PIGG: variants seen among roughly 807,000 people sequenced by gnomAD.
PIGG encodes phosphatidylinositol glycan anchor biosynthesis class G (EMM blood group).
Under a neutral mutation model 83.2 loss-of-function variants are expected in PIGG, and 70 were observed. The observed-to-expected ratio is 0.84, with a 90% CI of 0.69 to 1.03. The LOEUF is 1.03. PIGG is among the 50% of genes least tolerant of loss of function. The pLI is 0.00. For synonymous variants in PIGG, 532 were observed against 519.5 expected (o/e 1.02, Z -0.33); for missense variants, 1,257 against 1,233.6 (o/e 1.02, Z -0.28).
rs554674994 is a variant in PIGG at position 525,413 on chromosome 4, G to C, written c.2069+1500G>C. 44 of 959,142 alleles carry C rather than the reference G, an allele frequency of 4.6e-5. 4 individuals carry two copies. In the African/African-American group the frequency reaches 5.8e-4, roughly 13 times the overall value. The allele number at this position is 959,142 out of a possible 1,614,324, so 59.4% of individuals were successfully genotyped here. On this transcript the variant is annotated intron_variant, in intron 9 of 12. Transcript: ENST00000453061. ...ATCTGCGGCGAGAGTAACAGCAAGGGTTGCGGTCCCGTCACTGCAGAGAAC... is the reference window on the plus strand; with the variant it reads ...ATCTGCGGCGAGAGTAACAGCAAGGCTTGCGGTCCCGTCACTGCAGAGAAC...
intron 10 of PIGG, among the ~76,000 whole-genome samples, chr4:529,359 G>A (rs1223733538): frequency 3.9e-5 from 6 of 152,112 alleles, no homozygotes; most frequent in Non-Finnish European, 7.4e-5. Context: ...CCTGACCCCA[G>A]CTCCTCAGCC....
intron 10 of PIGG, 120 bp downstream of exon 10, chr4:527,350 A>C: frequency 7.1e-7 from 1 of 1,411,896 alleles, no homozygotes; most frequent in South Asian, 1.6e-5. Context: ...GCCAGTCTTC[A>C]GAGCATTGGA....
Position 521,257 on chromosome 4 carries a change from C to A in PIGG, c.1316C>A (p.Thr439Asn). 6.2e-7 allele frequency: 1 copy of A among 1,612,814 alleles called. No individual in the cohort carries two copies. The highest frequency in any genetic ancestry group is 8.5e-7 in the Non-Finnish European group (1 of 1,178,868). Residue 439 changes from threonine to asparagine, a missense_variant, in exon 7 of 13, where the codon ACT becomes AAT. By Grantham distance (65) the Thr-to-Asn change is moderately conservative. Coordinates refer to ENST00000453061, the MANE Select transcript of PIGG (RefSeq NM_001127178.3). The stretch of plus-strand genomic sequence containing the variant: ...GACATCTATTCGATGATGGTGGGGA[C>A]TGTCGTGGTTTTGGAGGTACAGATG... ...QYDIYSMMVG[T>N]VVVLEVLTLL...
intron 5 of PIGG, among the ~76,000 whole-genome samples, chr4:509,774 G>T (rs1222892572): frequency 1.3e-5 from 2 of 152,132 alleles, no homozygotes; most frequent in African/African-American, 4.8e-5. Flanking sequence ...TTCTGCATTA[G>T]CCCTGGAGAT....
At chr4:499,969 C>T (rs1448554019) in intron 1 of PIGG, 6 of 222,572 alleles carry the variant, frequency 2.7e-5, no homozygotes, top group Non-Finnish European at 4.5e-5. Context: ...CTTCACCTAC[C>T]CAGCCATATA....
chr4:509,065 A>G (rs782612326), intron 5 of PIGG, 95 bp downstream of exon 5: 137 of 1,075,352 alleles, frequency 1.3e-4, no homozygotes, highest in Non-Finnish European at 1.8e-4. Context: ...TAGAAGCTCC[A>G]TAAGGTTGAA....
intron 4 of PIGG, among the ~76,000 whole-genome samples, chr4:508,079 G>A (rs1360169200): frequency 3.9e-5 from 6 of 152,210 alleles, no homozygotes; most frequent in Admixed American, 3.9e-4. Context: ...GCATTTGGGT[G>A]CATCAGTGAA....
At position 533,722 on chromosome 4, in the gene PIGG, T is replaced by G. The variant is rs1206624682; in HGVS notation, c.2572-96T>G. Reference sequence around the variant, plus strand: ...TGCCGGCGTGGTTATCTGGGCTGCCTACACAGTTCACGCTAACATCGTGGC... The same window carrying G: ...TGCCGGCGTGGTTATCTGGGCTGCCGACACAGTTCACGCTAACATCGTGGC... On this transcript the variant is annotated intron_variant, in intron 11 of 12. Transcript: ENST00000453061. 2.5e-6 allele frequency: 3 copies of G among 1,200,204 alleles called. No individual in the cohort carries two copies. The East Asian group carries it at 7.1e-5, about 28-fold the overall frequency. 74.3% of individuals were successfully genotyped at this position (1,200,204 alleles called of 1,614,324 possible). A position where few individuals can be genotyped will look rare whatever the true frequency, so the allele number is the denominator to read the frequency against.
In PIGG at chr4:505,459, C is replaced by CAA. The variant is rs35308755; in HGVS notation, c.361-233_361-232dup. Among the ~76,000 whole-genome samples, 213 of 45,012 alleles carry CAA rather than the reference C, an allele frequency of 4.7e-3. 9 individuals are homozygous for CAA. Among genetic ancestry groups the CAA allele is most frequent in the African/African-American group, 0.018 (195 of 11,014 alleles). 29.5% of individuals were successfully genotyped at this position (45,012 alleles called of 152,430 possible). ...CAACATAGCGGGACCCTGTATCTAC[C>CAA]AAAAAAAAAAAAAAAAAAAAAAAAA... On this transcript the variant is annotated intron_variant, in intron 2 of 12. Coordinates refer to ENST00000453061, the MANE Select transcript of PIGG (RefSeq NM_001127178.3).
At chr4:518,558 A>T (rs1024672779) in intron 6 of PIGG, among the ~76,000 whole-genome samples, 3 of 152,200 alleles carry the variant, frequency 2.0e-5, no homozygotes, top group African/African-American at 7.2e-5. Context: ...GCGACACTGC[A>T]CTCCAGCCTG....
rs782366664 is a variant in PIGG at position 499,449 on chromosome 4, G to A, written c.114G>A (p.Ala38=). Residue 38 remains alanine, a synonymous_variant, in exon 1 of 13, where the codon GCG becomes GCA. Coordinates refer to ENST00000453061, the MANE Select transcript of PIGG (RefSeq NM_001127178.3). ...FPAPVRSSAR[A]EHGAEPPAPE... ...CTCCCGTTCGTTCCTCTGCCAGAGC[G>A]GAACACGGAGCGGAGCCCCCAGCGC... is the stretch of plus-strand genomic sequence containing the variant. 1.7e-5 allele frequency: 27 copies of A among 1,603,940 alleles called. No homozygotes were observed. The highest frequency in any genetic ancestry group is 2.2e-5 in the Non-Finnish European group (26 of 1,179,430).
In PIGG at chr4:530,640, G is replaced by C; in HGVS notation, c.2466G>C (p.Leu822Phe). Reference protein sequence around the residue: ...HNLPVLAFSLLIQTLMTKFIW... With the variant: ...HNLPVLAFSLFIQTLMTKFIW... ...TTCCGGTCTTAGCATTTAGCCTCTT[G>C]ATTCAGACTCTAATGACTAAATTCA... The change falls in exon 11 of 13, where the codon TTG becomes TTC. Residue 822 changes from leucine to phenylalanine, a missense_variant. By Grantham distance (22) the Leu-to-Phe change is conservative. Coordinates refer to ENST00000453061, the MANE Select transcript of PIGG (RefSeq NM_001127178.3). 6.8e-6 allele frequency: 11 copies of C among 1,613,544 alleles called. No individual in the cohort carries two copies. Among genetic ancestry groups the C allele is most frequent in the Non-Finnish European group, 9.3e-6 (11 of 1,179,506 alleles).
chr4:539,050 C>G (rs1731440536), intron 12 of PIGG, 103 bp from the exon 13 acceptor site: 1 of 737,970 alleles, frequency 1.4e-6, no homozygotes. Context: ...GCCCTCTACT[C>G]CAAGGGCAAG....
chr4:506,982 G>A (rs1719948116), intron 3 of PIGG: 1 of 290,300 alleles, frequency 3.4e-6, no homozygotes, highest in African/African-American at 2.2e-5. Flanking sequence ...GCCCAGCAGT[G>A]ATCCCACAGA....
chr4:509,614 C>T (rs1403505435), intron 5 of PIGG, among the ~76,000 whole-genome samples: 2 of 152,364 alleles, frequency 1.3e-5, no homozygotes, highest in African/African-American at 2.4e-5. Flanking sequence ...CGCTTTCGGG[C>T]GCTGCTCTCA....
At chr4:539,055 G>A (rs1731441921) in intron 12 of PIGG, 98 bp from the exon 13 acceptor site, 1 of 759,132 alleles carries the variant, frequency 1.3e-6, no homozygotes, top group African/African-American at 1.7e-5. Context: ...CTACTCCAAG[G>A]GCAAGAGCTA....
intron 6 of PIGG, among the ~76,000 whole-genome samples, chr4:517,288 C>A (rs2108898058): frequency 6.6e-6 from 1 of 152,188 alleles, no homozygotes; most frequent in East Asian, 1.9e-4. Context: ...GGCCAGGGCC[C>A]AGGCAAGGGT....
At chr4:507,694 G>A in intron 4 of PIGG, 101 bp downstream of exon 4, 2 of 1,008,892 alleles carry the variant, frequency 2.0e-6, no homozygotes, top group Non-Finnish European at 2.9e-6. Flanking sequence ...CTGTGTGAAT[G>A]TCCACCATCA....
chr4:538,316 A>G (rs115878239), intron 12 of PIGG, among the ~76,000 whole-genome samples: 28,400 of 152,066 alleles, frequency 0.19, 3,189 homozygotes, highest in African/African-American at 0.32. Context: ...TGGTGGTTTC[A>G]AAACTAGGGG....
Sources: allele counts gnomAD v4.1 joint callset (sites outside exome capture counted in the v4.1 genomes callset), GRCh38; gene constraint gnomAD v4.1.1; transcripts MANE v1.5; gene names NCBI Gene and HGNC (gene_info 2026-07-23, HGNC 2026-07-21).